RORA: variants seen among roughly 807,000 people sequenced by gnomAD.
RORA encodes RAR related orphan receptor A.
A neutral mutation model predicts 69.5 loss-of-function variants in RORA; 7 were observed. The observed-to-expected ratio is 0.10, with a 90% CI of 0.06 to 0.19. The LOEUF (loss-of-function observed/expected upper bound fraction) is 0.19. Among genes scored for constraint, RORA ranks in the 10% least tolerant of loss-of-function variants. The pLI is 1.00. For synonymous variants in RORA, 261 were observed against 240.8 expected, an observed-to-expected ratio of 1.08 and a Z score of -0.78; for missense variants, 457 against 663.0, an observed-to-expected ratio of 0.69 and a Z score of 3.41.
chr15:60,862,198 C>T (rs1308523607), intron 1 of RORA, among the ~76,000 whole-genome samples: 1 of 152,220 alleles, frequency 6.6e-6, no homozygotes, highest in Non-Finnish European at 1.5e-5. Context: ...CTCCATGATT[C>T]AAAGGAAGTC....
At chr15:60,876,816 G>A (rs979472564) in intron 1 of RORA, among the ~76,000 whole-genome samples, 79 of 152,196 alleles carry the variant, frequency 5.2e-4, no homozygotes, top group African/African-American at 1.7e-3. Context: ...TAGCGAGACA[G>A]ACACCTAGTC....
chr15:60,984,125 AATTACAGAGTTTCTC>A (rs2140362864), intron 1 of RORA, among the ~76,000 whole-genome samples: 1 of 151,778 alleles, frequency 6.6e-6, no homozygotes, highest in East Asian at 2.0e-4. Flanking sequence ...TGTGAAGAAC[AATTACAGAGTTTCTC>A]ATATACAATT....
At chr15:61,005,411 T>C (rs1054863100) in intron 1 of RORA, among the ~76,000 whole-genome samples, 1 of 152,066 alleles carries the variant, frequency 6.6e-6, no homozygotes, top group African/African-American at 2.4e-5. Context: ...ACCTGGAAAG[T>C]GGAGGCTGCG....
intron 2 of RORA, among the ~76,000 whole-genome samples, chr15:60,673,506 A>C (rs1054550610): frequency 1.5e-4 from 23 of 152,334 alleles, no homozygotes; most frequent in Admixed American, 6.5e-4. Flanking sequence ...GAATGGGTGG[A>C]GATGAGCAGC....
intron 1 of RORA, among the ~76,000 whole-genome samples, chr15:60,914,084 G>A (rs1437613314): frequency 6.6e-6 from 1 of 152,166 alleles, no homozygotes; most frequent in African/African-American, 2.4e-5. Context: ...CCATTGACTG[G>A]GAAGAGGCTG....
intron 1 of RORA, among the ~76,000 whole-genome samples, chr15:60,717,427 GTTC>G (rs1374733014): frequency 3.3e-5 from 5 of 152,170 alleles, no homozygotes; most frequent in Admixed American, 2.6e-4. Context: ...CCCCAAGTCA[GTTC>G]TTCATCCATG....
intron 8 of RORA, among the ~76,000 whole-genome samples, chr15:60,502,423 G>A (rs2065359586): frequency 6.6e-6 from 1 of 152,118 alleles, no homozygotes; most frequent in South Asian, 2.1e-4. Flanking sequence ...TTAATTTTAT[G>A]TATCAGCTCA....
chr15:60,901,229 T>C (rs760573718), intron 1 of RORA, among the ~76,000 whole-genome samples: 23 of 152,136 alleles, frequency 1.5e-4, no homozygotes, highest in Non-Finnish European at 2.8e-4. Context: ...TGCAGTGCAG[T>C]GGTGCGATCT....
intron 1 of RORA, among the ~76,000 whole-genome samples, chr15:60,935,509 C>G (rs1271021906): frequency 6.6e-6 from 1 of 152,124 alleles, no homozygotes; most frequent in Admixed American, 6.5e-5. Context: ...ATTATCACCA[C>G]CAAATACACC....
chr15:60,768,024 G>T (rs1595699448), intron 1 of RORA, among the ~76,000 whole-genome samples: 2 of 152,208 alleles, frequency 1.3e-5, no homozygotes, highest in South Asian at 4.1e-4. Context: ...TATGGGTGGA[G>T]TTTTCCTGGC....
At chr15:60,737,624 T>C (rs2071520086) in intron 1 of RORA, among the ~76,000 whole-genome samples, 1 of 152,264 alleles carries the variant, frequency 6.6e-6, no homozygotes, top group African/African-American at 2.4e-5. Context: ...GAATGGGGGC[T>C]ATAAGCGTCA....
At position 60,701,112 on chromosome 15, in the gene RORA, C is replaced by T. The variant is rs549804234; in HGVS notation, c.167-22426G>A. Among the ~76,000 whole-genome samples the T allele has an allele frequency of 2.5e-4, 38 of 152,330 alleles. 1 individual carries two copies. Among genetic ancestry groups the T allele is most frequent in the African/African-American group, 8.9e-4 (37 of 41,572 alleles). On this transcript the variant is annotated intron_variant, in intron 1 of 10. Transcript: ENST00000335670. ...GTCTGTCTGTTCACTACTCCCACCA[C>T]GTACATTCATCCCTCACTATCTTCC... is the stretch of plus-strand genomic sequence containing the variant.
At chr15:61,085,046 C>A (rs970410239) in intron 1 of RORA, among the ~76,000 whole-genome samples, 2 of 152,270 alleles carry the variant, frequency 1.3e-5, no homozygotes, top group Middle Eastern at 3.4e-3. Flanking sequence ...ACTCCCTCCC[C>A]CCTTGTTGCT....
chr15:60,504,534 T>C (rs916909530), intron 6 of RORA, among the ~76,000 whole-genome samples: 3 of 152,088 alleles, frequency 2.0e-5, no homozygotes, highest in Admixed American at 6.5e-5. Flanking sequence ...GGCGACAGAG[T>C]GAGACTGTCT....
chr15:61,103,268 G>A (rs2078906215), intron 1 of RORA, among the ~76,000 whole-genome samples: 1 of 152,152 alleles, frequency 6.6e-6, no homozygotes, highest in South Asian at 2.1e-4. Flanking sequence ...GGCTGCTTTG[G>A]GGCAGGCAGG....
chr15:61,224,017 AAC>A (rs1491551729), intron 1 of RORA, among the ~76,000 whole-genome samples: 1 of 151,874 alleles, frequency 6.6e-6, no homozygotes, highest in African/African-American at 2.4e-5. Context: ...AAAAAAAAAA[AAC>A]CACTAAAAAA....
intron 1 of RORA, among the ~76,000 whole-genome samples, chr15:61,155,405 T>A (rs959937128): frequency 1.3e-5 from 2 of 152,144 alleles, no homozygotes; most frequent in Non-Finnish European, 2.9e-5. Context: ...AAATCTTAAA[T>A]CTTGAAACTA....
At chr15:61,092,754 G>C (rs2078726548) in intron 1 of RORA, among the ~76,000 whole-genome samples, 1 of 152,188 alleles carries the variant, frequency 6.6e-6, no homozygotes, top group Non-Finnish European at 1.5e-5. Flanking sequence ...GAACTGCCCT[G>C]GGTGGTGTTG....
In RORA at chr15:61,102,745, G is replaced by C. The variant is rs75835720; in HGVS notation, c.166+126308C>G. ...CCTCCTACACTGAAGCATGCACCTA[G>C]TTTTTCTTTCTTTAACATACAACAT... On this transcript the variant is annotated intron_variant, in intron 1 of 10. Transcript: ENST00000335670. 5.8e-3 allele frequency among the ~76,000 whole-genome samples: 876 copies of C among 152,266 alleles called. 12 individuals carry two copies. Among genetic ancestry groups the C allele is most frequent in the East Asian group, 0.052 (271 of 5,176 alleles).
Sources: gnomAD v4.1 joint callset for allele counts (sites outside exome capture counted in the v4.1 genomes callset) on GRCh38, gnomAD v4.1.1 for gene constraint, MANE v1.5 for transcripts, NCBI Gene and HGNC (gene_info 2026-07-23, HGNC 2026-07-21) for gene names.